Variants in TAFA1 observed in about 807,000 individuals in gnomAD.
The protein encoded by TAFA1 is chemokine-like protein TAFA-1.
A neutral mutation model predicts 18.5 loss-of-function variants in TAFA1; 4 were observed. That is an observed-to-expected ratio of 0.22 (90% confidence interval 0.11 to 0.49). The LOEUF (loss-of-function observed/expected upper bound fraction) is 0.49, where lower values mean the gene tolerates loss of function less well. TAFA1 is among the 20% of genes least tolerant of loss of function. TAFA1 has a pLI of 0.98. For synonymous variants in TAFA1, 56 were observed against 55.2 expected (o/e 1.01, Z -0.06); for missense variants, 147 against 169.0 (o/e 0.87, Z 0.72).
At chr3:68,455,206 TGAG>T (rs563318986) in intron 3 of TAFA1, among the ~76,000 whole-genome samples, 32 of 151,930 alleles carry the variant, frequency 2.1e-4, no homozygotes, top group Non-Finnish European at 3.8e-4. Flanking sequence ...TTGACTAGGC[TGAG>T]GAGGAGGAGG....
In TAFA1 at chr3:68,253,317, C is replaced by T. The variant is rs556162248; in HGVS notation, c.119-163963C>T. On this transcript the variant is annotated intron_variant, in intron 2 of 4. Transcript: ENST00000478136. The stretch of plus-strand genomic sequence containing the variant: ...CAAAATGAACATGCTTTTTACAATC[C>T]CATCTCCTTGCCCTTGCGTACTTTA... 2.0e-5 allele frequency among the ~76,000 whole-genome samples: 3 copies of T among 152,172 alleles called. No homozygotes were observed. The South Asian group carries it at 6.2e-4, about 32-fold the overall frequency.
At chr3:68,329,080 C>T (rs922119275) in intron 2 of TAFA1, among the ~76,000 whole-genome samples, 1 of 150,094 alleles carries the variant, frequency 6.7e-6, no homozygotes, top group Non-Finnish European at 1.5e-5. Flanking sequence ...TGCTTGTGGC[C>T]ACTTTTTTGT....
At chr3:68,095,050 G>T (rs529332273) in intron 2 of TAFA1, among the ~76,000 whole-genome samples, 1 of 152,130 alleles carries the variant, frequency 6.6e-6, no homozygotes, top group Non-Finnish European at 1.5e-5. Context: ...CCCTCTCAGA[G>T]GCCCTTAAGT....
intron 3 of TAFA1, among the ~76,000 whole-genome samples, chr3:68,535,973 A>G (rs1175003001): frequency 6.6e-6 from 1 of 152,160 alleles, no homozygotes; most frequent in Non-Finnish European, 1.5e-5. Flanking sequence ...ATGCATAGCT[A>G]TTTGTGGCAA....
intron 3 of TAFA1, among the ~76,000 whole-genome samples, chr3:68,524,753 C>T (rs549278794): frequency 2.0e-5 from 3 of 152,018 alleles, no homozygotes; most frequent in South Asian, 4.1e-4. Flanking sequence ...TCACTGCAAG[C>T]TCTGCCTCCC....
chr3:68,098,338 G>A (rs909141476), intron 2 of TAFA1, among the ~76,000 whole-genome samples: 1 of 152,038 alleles, frequency 6.6e-6, no homozygotes, highest in African/African-American at 2.4e-5. Context: ...ATTATGCTGT[G>A]CCACTTCTGT....
intron 2 of TAFA1, among the ~76,000 whole-genome samples, chr3:68,340,566 C>T (rs1390843840): frequency 6.6e-6 from 1 of 152,198 alleles, no homozygotes; most frequent in Admixed American, 6.5e-5. Flanking sequence ...ACCTCTCCCC[C>T]TGGAGTTGAG....
rs139949514 is a variant in TAFA1 at position 68,050,667 on chromosome 3, T to A, written c.118+43923T>A. Reference sequence around the variant, plus strand: ...TAGGGCTGGATTCAAGTTCTGGCTCTGCCACTTACTATTTAAGAGGCCAGA... The same window carrying A: ...TAGGGCTGGATTCAAGTTCTGGCTCAGCCACTTACTATTTAAGAGGCCAGA... On this transcript the variant is annotated intron_variant, in intron 2 of 4. Coordinates refer to ENST00000478136, the MANE Select transcript of TAFA1 (RefSeq NM_213609.4). Among the ~76,000 whole-genome samples, 329 of 152,296 alleles carry A rather than the reference T, an allele frequency of 2.2e-3. 1 individual carries two copies. The highest frequency in any genetic ancestry group is 7.6e-3 in the African/African-American group (315 of 41,568).
At chr3:68,178,432 AT>A (rs2066153889) in intron 2 of TAFA1, among the ~76,000 whole-genome samples, 1 of 152,192 alleles carries the variant, frequency 6.6e-6, no homozygotes, top group South Asian at 2.1e-4. Context: ...TAAAATGATC[AT>A]GATTTTTTAT....
At chr3:68,045,632 G>A (rs116578111) in intron 2 of TAFA1, among the ~76,000 whole-genome samples, 5 of 152,122 alleles carry the variant, frequency 3.3e-5, no homozygotes, top group Non-Finnish European at 7.4e-5. Flanking sequence ...AGTATGGAGC[G>A]ACTGGGAATA....
intron 2 of TAFA1, among the ~76,000 whole-genome samples, chr3:68,125,408 T>G (rs1168305208): frequency 6.6e-6 from 1 of 152,226 alleles, no homozygotes; most frequent in Non-Finnish European, 1.5e-5. Flanking sequence ...CTCGTTGTTT[T>G]GAAAACTAAC....
chr3:68,145,392 C>G, intron 2 of TAFA1: 1 of 839,320 alleles, frequency 1.2e-6, no homozygotes, highest in Non-Finnish European at 2.1e-6. Context: ...TCAATCATCA[C>G]TGATGATTTT....
At chr3:68,040,720 A>G (rs1705145460) in intron 2 of TAFA1, among the ~76,000 whole-genome samples, 1 of 152,142 alleles carries the variant, frequency 6.6e-6, no homozygotes, top group Non-Finnish European at 1.5e-5. Context: ...CTACTAATTC[A>G]AATTCTCTGG....
chr3:68,431,059 C>A (rs2106836589), intron 3 of TAFA1, among the ~76,000 whole-genome samples: 1 of 152,002 alleles, frequency 6.6e-6, no homozygotes, highest in East Asian at 1.9e-4. Context: ...TATGGATTGA[C>A]AACACCATGT....
intron 3 of TAFA1, among the ~76,000 whole-genome samples, chr3:68,526,380 A>G (rs2073111682): frequency 6.6e-6 from 1 of 152,162 alleles, no homozygotes; most frequent in Admixed American, 6.6e-5. Flanking sequence ...TGGGAGTAAG[A>G]TTAAAATGAA....
intron 2 of TAFA1, among the ~76,000 whole-genome samples, chr3:68,121,600 A>T (rs1348968580): frequency 6.6e-6 from 1 of 152,160 alleles, no homozygotes; most frequent in Non-Finnish European, 1.5e-5. Flanking sequence ...AATTCTCATC[A>T]TGTCCCTAAT....
chr3:68,375,432 C>T (rs1348015812), intron 2 of TAFA1, among the ~76,000 whole-genome samples: 2 of 152,170 alleles, frequency 1.3e-5, no homozygotes, highest in Non-Finnish European at 2.9e-5. Flanking sequence ...TATTGGCATA[C>T]TTACTCCACA....
At chr3:68,257,650 ACTT>A (rs1247526921) in intron 2 of TAFA1, among the ~76,000 whole-genome samples, 3 of 152,148 alleles carry the variant, frequency 2.0e-5, no homozygotes, top group African/African-American at 4.8e-5. Flanking sequence ...AGGAAATAAT[ACTT>A]CTTCATGCAG....
At chr3:68,329,880 C>A (rs150619824) in intron 2 of TAFA1, among the ~76,000 whole-genome samples, 2 of 152,114 alleles carry the variant, frequency 1.3e-5, no homozygotes, top group African/African-American at 4.8e-5. Context: ...AATTAATTCA[C>A]CTGGTTCTGG....
Sources: gnomAD v4.1 joint callset for allele counts (sites outside exome capture counted in the v4.1 genomes callset) on GRCh38, gnomAD v4.1.1 for gene constraint, MANE v1.5 for transcripts, NCBI Gene and HGNC (gene_info 2026-07-23, HGNC 2026-07-21) for gene names.